Variants in ARHGEF17 observed in about 807,000 individuals in gnomAD.
ARHGEF17 encodes the protein Rho guanine nucleotide exchange factor 17.
ARHGEF17 carries 80 observed loss-of-function variants against 174.0 expected under a neutral mutation model. That is an observed-to-expected ratio of 0.46 (90% CI 0.38 to 0.55). The LOEUF is 0.55. Ranked by LOEUF, ARHGEF17 falls within the 20% of genes least tolerant of loss-of-function variation. ARHGEF17 has a pLI of 0.00. For synonymous variants in ARHGEF17, 1,311 were observed against 1,189.1 expected (o/e 1.10, Z -2.11); for missense variants, 2,886 against 2,839.7 (o/e 1.02, Z -0.37).
At chr11:73,354,729 AAAGAC>A (rs1865609054) in intron 3 of ARHGEF17, among the ~76,000 whole-genome samples, 1 of 150,928 alleles carries the variant, frequency 6.6e-6, no homozygotes, top group South Asian at 2.1e-4. Context: ...AAAAAAAAAA[AAAGAC>A]AGGACTCTGA....
chr11:73,350,589 A>G (rs928481414), intron 2 of ARHGEF17, among the ~76,000 whole-genome samples: 2 of 152,202 alleles, frequency 1.3e-5, no homozygotes, highest in African/African-American at 4.8e-5. Flanking sequence ...TTGTTCCTGC[A>G]GGCCAGGTGT....
rs1239478063 is a variant in ARHGEF17 at position 73,308,623 on chromosome 11, A to T, written c.-16A>T. The T allele has an allele frequency of 1.4e-6, 2 of 1,453,718 alleles. No homozygotes were observed. Among genetic ancestry groups the T allele is most frequent in the Non-Finnish European group, 9.0e-7 (1 of 1,106,356 alleles). The allele number at this position is 1,453,718 out of a possible 1,614,324, so 90.1% of individuals were successfully genotyped here. On this transcript the variant is annotated 5_prime_UTR_variant, in exon 1 of 21. Coordinates refer to ENST00000263674, the MANE Select transcript of ARHGEF17 (RefSeq NM_014786.4). ...GGCTGCCCGAGGCCAGCCCCCCCGG[A>T]GTGAGTTACGCCACTATGGCGGACG...
In ARHGEF17 at chr11:73,311,615, C is replaced by G. The variant is rs752488532; in HGVS notation, c.2977C>G (p.Arg993Gly). ...AVPEPIGFPTRAHPTLQAPSL... is the reference protein window; with the variant it reads ...AVPEPIGFPTGAHPTLQAPSL... ...GCCAGAACCCATAGGCTTCCCTACCCGAGCCCATCCCACGTTGCAGGCACC... is the reference window on the plus strand; with the variant it reads ...GCCAGAACCCATAGGCTTCCCTACCGGAGCCCATCCCACGTTGCAGGCACC... The change falls in exon 1 of 21, where the codon CGA becomes GGA. Residue 993 changes from arginine (R) to glycine (G), a missense_variant. Around this residue, in one of 4 missense-constraint regions of ARHGEF17, gnomAD observed 1,728 missense variants for 1,461.2 expected, o/e 1.18. Coordinates refer to ENST00000263674, the MANE Select transcript of ARHGEF17 (RefSeq NM_014786.4). The G allele has an allele frequency of 3.1e-6, 5 of 1,613,226 alleles. No homozygotes were observed. The highest frequency in any genetic ancestry group is 2.2e-5 in the East Asian group (1 of 44,904).
intron 1 of ARHGEF17, chr11:73,343,167 G>T: frequency 2.5e-6 from 1 of 397,432 alleles, no homozygotes; most frequent in Non-Finnish European, 4.4e-6. Context: ...GAAGACCCTG[G>T]CCCAGTTCAC....
In ARHGEF17 at chr11:73,353,028, G is replaced by T. The variant is rs149535622; in HGVS notation, c.3453+16G>T. 5.6e-6 allele frequency: 9 copies of T among 1,612,392 alleles called. No homozygotes were observed. Among genetic ancestry groups the T allele is most frequent in the Non-Finnish European group, 7.6e-6 (9 of 1,179,492 alleles). On this transcript the variant is annotated intron_variant, in intron 3 of 20. Transcript: ENST00000263674. ...CGTCCAGTCGGTGAGTGGCCCCGCT[G>T]CTGCCAATTCCCACAAGCACAGGCC...
intron 1 of ARHGEF17, among the ~76,000 whole-genome samples, chr11:73,320,882 G>C (rs1236147464): frequency 6.6e-6 from 1 of 151,982 alleles, no homozygotes; most frequent in Non-Finnish European, 1.5e-5. Context: ...GGCTGGTCTT[G>C]AACTCCTGAG....
At chr11:73,359,338 C>T (rs758407161) in intron 9 of ARHGEF17, among the ~76,000 whole-genome samples, 14 of 152,222 alleles carry the variant, frequency 9.2e-5, no homozygotes, top group Admixed American at 3.3e-4. Context: ...GGCGGCAGGC[C>T]GTCTGCAGGA....
chr11:73,345,476 G>A (rs1865445279), intron 1 of ARHGEF17, among the ~76,000 whole-genome samples: 1 of 152,032 alleles, frequency 6.6e-6, no homozygotes, highest in South Asian at 2.1e-4. Flanking sequence ...TGGTCAGAGG[G>A]CAAGGGATCT....
At position 73,357,063 on chromosome 11, in the gene ARHGEF17, G is replaced by A. The variant is rs145770813; in HGVS notation, c.3930G>A (p.Leu1310=). The change falls in exon 8 of 21, where the codon CTG becomes CTA. Residue 1310 remains leucine (L), a synonymous_variant. Transcript: ENST00000263674. ...GCAAGAAGGACCGGTCTCTCTTCCT[G>A]TTCACGGACCTCATCGTCTGCACCA... The part of the protein sequence containing the change: ...IGGKKDRSLF[L]FTDLIVCTTL... 6.2e-7 allele frequency: 1 copy of A among 1,614,200 alleles called. No individual in the cohort carries two copies. The highest frequency in any genetic ancestry group is 8.5e-7 in the Non-Finnish European group (1 of 1,180,036).
Position 73,308,643 on chromosome 11 carries a change from C to T in ARHGEF17, c.5C>T (p.Ala2Val). Residue 2 changes from alanine to valine, a missense_variant, in exon 1 of 21, where the codon GCG (alanine) becomes GTG (valine). Transcript: ENST00000263674. MADGAPRPQLYR... is the reference protein window; with the variant it reads MVDGAPRPQLYR... ...CCCGGAGTGAGTTACGCCACTATGGCGGACGGGGCACCCCGGCCCCAGCTT... is the reference window on the plus strand; with the variant it reads ...CCCGGAGTGAGTTACGCCACTATGGTGGACGGGGCACCCCGGCCCCAGCTT... 3 of 1,494,872 alleles carry T rather than the reference C, an allele frequency of 2.0e-6. No homozygotes were observed. Among genetic ancestry groups the T allele is most frequent in the Non-Finnish European group, 2.7e-6 (3 of 1,126,550 alleles). 92.6% of individuals were successfully genotyped at this position (1,494,872 alleles called of 1,614,324 possible).
chr11:73,309,865 T>C lies in ARHGEF17; in HGVS notation c.1227T>C (p.Gly409=), dbSNP rs753134409. The part of the protein sequence containing the change: ...LKDDDLWSSR[G]SGGWGVYRSP... ...ACGACGACCTATGGTCTAGTAGGGG[T>C]TCTGGGGGCTGGGGCGTGTACCGCT... The change falls in exon 1 of 21, where the codon GGT becomes GGC. Residue 409 remains glycine (G), a synonymous_variant. Coordinates refer to ENST00000263674, the MANE Select transcript of ARHGEF17 (RefSeq NM_014786.4). The C allele has an allele frequency of 6.2e-7, 1 of 1,613,056 alleles. No individual in the cohort carries two copies. Among genetic ancestry groups the C allele is most frequent in the Non-Finnish European group, 8.5e-7 (1 of 1,179,958 alleles).
intron 1 of ARHGEF17, among the ~76,000 whole-genome samples, chr11:73,312,531 G>A (rs1864856318): frequency 6.6e-6 from 1 of 152,106 alleles, no homozygotes; most frequent in South Asian, 2.1e-4. Flanking sequence ...AGATTTGGGG[G>A]AGCCTGCGGT....
Position 73,363,846 on chromosome 11 carries a change from G to C in ARHGEF17, c.5333+13G>C. The C allele has an allele frequency of 1.2e-6, 2 of 1,613,392 alleles. No individual in the cohort carries two copies. Among genetic ancestry groups the C allele is most frequent in the Non-Finnish European group, 1.7e-6 (2 of 1,179,798 alleles). On this transcript the variant is annotated intron_variant, in intron 16 of 20. Transcript: ENST00000263674. Reference sequence around the variant, plus strand: ...TGACCTGCATCTTGTAAGGCCCCAGGGTGGCCCTTCCTATCTAGACTCTTC... The same window carrying C: ...TGACCTGCATCTTGTAAGGCCCCAGCGTGGCCCTTCCTATCTAGACTCTTC...
Position 73,311,567 on chromosome 11 carries a change from T to C in ARHGEF17, c.2929T>C (p.Ser977Pro), listed in dbSNP as rs770219102. ...MPIVVPEPPTSVGPPVAVPEP... is the reference protein window; with the variant it reads ...MPIVVPEPPTPVGPPVAVPEP... Reference sequence around the variant, plus strand: ...TATTGTGGTGCCTGAGCCACCAACTTCTGTTGGTCCCCCTGTGGCTGTGCC... The same window carrying C: ...TATTGTGGTGCCTGAGCCACCAACTCCTGTTGGTCCCCCTGTGGCTGTGCC... The change falls in exon 1 of 21, where the codon TCT becomes CCT. Residue 977 changes from serine to proline, a missense_variant. Around this residue, in one of 4 missense-constraint regions of ARHGEF17, gnomAD observed 1,728 missense variants for 1,461.2 expected, o/e 1.18. Transcript: ENST00000263674. The C allele has an allele frequency of 1.7e-5, 28 of 1,613,506 alleles. 1 individual carries two copies. The Admixed American group carries it at 3.3e-4, about 19-fold the overall frequency.
At chr11:73,322,532 CTG>C (rs1865033497) in intron 1 of ARHGEF17, among the ~76,000 whole-genome samples, 1 of 152,174 alleles carries the variant, frequency 6.6e-6, no homozygotes, top group Non-Finnish European at 1.5e-5. Flanking sequence ...TAAGGGGTCA[CTG>C]AGAGTTCTTG....
Position 73,311,021 on chromosome 11 carries a change from G to A in ARHGEF17, c.2383G>A (p.Gly795Arg). ...DWSVGSEESK[G>R]YQEVIQSIVQ... ...GTCTGTGGGCAGTGAAGAGAGCAAG[G>A]GATATCAGGAGGTTATTCAGAGCAT... Residue 795 changes from glycine to arginine, a missense_variant, in exon 1 of 21, where the codon GGA becomes AGA. Physicochemically the swap from Gly to Arg is moderately radical, Grantham distance 125. Coordinates refer to ENST00000263674, the MANE Select transcript of ARHGEF17 (RefSeq NM_014786.4). 1 of 1,614,198 alleles carries A rather than the reference G, an allele frequency of 6.2e-7. No individual in the cohort carries two copies.
At position 73,308,482 on chromosome 11, in the gene ARHGEF17, C is replaced by T; in HGVS notation, c.-157C>T. ...GGCCGGTGGCCACAGAAACTTGAGCCGCGGCAGAGAAACCTCTGCTCCGGT... is the reference window on the plus strand; with the variant it reads ...GGCCGGTGGCCACAGAAACTTGAGCTGCGGCAGAGAAACCTCTGCTCCGGT... On this transcript the variant is annotated 5_prime_UTR_variant, in exon 1 of 21. Coordinates refer to ENST00000263674, the MANE Select transcript of ARHGEF17 (RefSeq NM_014786.4). The T allele has an allele frequency of 1.5e-6, 1 of 648,644 alleles. No individual in the cohort carries two copies. Among genetic ancestry groups the T allele is most frequent in the Non-Finnish European group, 2.2e-6 (1 of 446,080 alleles). The allele number at this position is 648,644 out of a possible 1,614,324, so 40.2% of individuals were successfully genotyped here. A position where few individuals can be genotyped will look rare whatever the true frequency, so the allele number is the denominator to read the frequency against.
chr11:73,360,997 G>C, intron 11 of ARHGEF17, 91 bp from the exon 12 acceptor site: 1 of 1,075,470 alleles, frequency 9.3e-7, no homozygotes, highest in Non-Finnish European at 1.4e-6. Flanking sequence ...CTGAGGGGCA[G>C]GGGAGGAAGG....
At position 73,308,581 on chromosome 11, in the gene ARHGEF17, CA is replaced by C; in HGVS notation, c.-57del. 1.5e-6 allele frequency: 2 copies of C among 1,355,268 alleles called. No individual in the cohort carries two copies. The highest frequency in any genetic ancestry group is 1.9e-6 in the Non-Finnish European group (2 of 1,051,210). 84.0% of individuals were successfully genotyped at this position (1,355,268 alleles called of 1,614,324 possible). ...GCTGCGCTCCTAGGGAGTGGGGGCG[CA>C]GGGGGGGTTGGCCGCGGCTGCCCGA... On this transcript the variant is annotated 5_prime_UTR_variant, in exon 1 of 21. Coordinates refer to ENST00000263674, the MANE Select transcript of ARHGEF17 (RefSeq NM_014786.4).
Sources: allele counts gnomAD v4.1 joint callset (sites outside exome capture counted in the v4.1 genomes callset), GRCh38; gene constraint gnomAD v4.1.1; regional missense constraint gnomAD v4.1.1; transcripts MANE v1.5; gene names NCBI Gene and HGNC (gene_info 2026-07-23, HGNC 2026-07-21).